SLC24A3: variants seen among roughly 807,000 people sequenced by gnomAD.
SLC24A3 encodes the protein solute carrier family 24 member 3, also known as sodium/potassium/calcium exchanger 3.
SLC24A3 carries 28 observed loss-of-function variants against 75.8 expected under a neutral mutation model. The observed-to-expected ratio is 0.37, with a 90% CI of 0.27 to 0.51. The LOEUF (loss-of-function observed/expected upper bound fraction) is 0.51. Ranked by LOEUF, SLC24A3 falls within the 20% of genes least tolerant of loss-of-function variation. The pLI is 0.94. For synonymous variants in SLC24A3, 372 were observed against 334.1 expected (o/e 1.11, Z -1.24); for missense variants, 663 against 847.8 (o/e 0.78, Z 2.71).
chr20:19,717,906 T>C (rs930227467), intron 16 of SLC24A3, among the ~76,000 whole-genome samples: 1 of 152,246 alleles, frequency 6.6e-6, no homozygotes. Flanking sequence ...TTCCAATTCA[T>C]TGATTGTTCC....
chr20:19,273,386 G>A (rs940953027), intron 1 of SLC24A3, among the ~76,000 whole-genome samples: 13 of 152,172 alleles, frequency 8.5e-5, no homozygotes, highest in African/African-American at 2.9e-4. Context: ...CCTCACATCA[G>A]AGCCCTGAAG....
chr20:19,340,818 A>G (rs1210204331), intron 2 of SLC24A3, among the ~76,000 whole-genome samples: 2 of 152,206 alleles, frequency 1.3e-5, no homozygotes, highest in Non-Finnish European at 2.9e-5. Context: ...GTACAGTTGT[A>G]TGATGTGATT....
At chr20:19,213,077 C>T in intron 1 of SLC24A3, 93 bp downstream of exon 1, 2 of 1,128,904 alleles carry the variant, frequency 1.8e-6, no homozygotes, top group Non-Finnish European at 2.2e-6. Flanking sequence ...GGCGGCCCGG[C>T]CGGAGCCCCA....
intron 2 of SLC24A3, among the ~76,000 whole-genome samples, chr20:19,333,645 G>A (rs1476017251): frequency 1.3e-5 from 2 of 150,878 alleles, no homozygotes; most frequent in African/African-American, 2.5e-5. Context: ...GTGTGTGAGT[G>A]TGTGTGTGTG....
At chr20:19,521,983 C>G (rs2030107459) in intron 3 of SLC24A3, among the ~76,000 whole-genome samples, 1 of 152,080 alleles carries the variant, frequency 6.6e-6, no homozygotes, top group Admixed American at 6.5e-5. Context: ...AGACTCAACT[C>G]TCCATTTGTA....
chr20:19,458,386 C>T (rs548094991), intron 2 of SLC24A3, among the ~76,000 whole-genome samples: 3 of 152,092 alleles, frequency 2.0e-5, no homozygotes, highest in Admixed American at 6.5e-5. Flanking sequence ...CAAAATTTGC[C>T]GTCTTAACCA....
At chr20:19,348,046 G>T (rs945610294) in intron 2 of SLC24A3, among the ~76,000 whole-genome samples, 1 of 152,212 alleles carries the variant, frequency 6.6e-6, no homozygotes, top group African/African-American at 2.4e-5. Context: ...TTTGGCTAGT[G>T]ATCTGTGGCT....
intron 2 of SLC24A3, among the ~76,000 whole-genome samples, chr20:19,435,871 C>T (rs983061477): frequency 2.6e-5 from 4 of 152,162 alleles, no homozygotes; most frequent in African/African-American, 7.2e-5. Flanking sequence ...GATGCCCAAA[C>T]TGGTTCCAAG....
chr20:19,657,675 A>C (rs1387728782), intron 7 of SLC24A3, among the ~76,000 whole-genome samples: 1 of 152,250 alleles, frequency 6.6e-6, no homozygotes, highest in African/African-American at 2.4e-5. Flanking sequence ...ACTGTCCATG[A>C]GGAGTAAAAC....
At chr20:19,642,745 T>C (rs1172407635) in intron 6 of SLC24A3, among the ~76,000 whole-genome samples, 1 of 152,208 alleles carries the variant, frequency 6.6e-6, no homozygotes, top group Non-Finnish European at 1.5e-5. Context: ...CCTCCCCCTA[T>C]GTTTTTGACT....
At chr20:19,480,598 T>C (rs1988037202) in intron 2 of SLC24A3, among the ~76,000 whole-genome samples, 1 of 152,210 alleles carries the variant, frequency 6.6e-6, no homozygotes, top group South Asian at 2.1e-4. Flanking sequence ...TGCCCTTGTC[T>C]GACAACTAGC....
intron 2 of SLC24A3, among the ~76,000 whole-genome samples, chr20:19,451,266 T>C (rs1030520307): frequency 6.6e-5 from 10 of 152,202 alleles, no homozygotes; most frequent in African/African-American, 2.4e-4. Context: ...CAGCACCCAG[T>C]TGCCTCTTCA....
intron 2 of SLC24A3, among the ~76,000 whole-genome samples, chr20:19,449,416 G>A (rs1374458329): frequency 6.6e-6 from 1 of 152,222 alleles, no homozygotes; most frequent in Non-Finnish European, 1.5e-5. Context: ...AAGCTCTGGG[G>A]CCGAAGACAC....
chr20:19,374,127 G>GT (rs1350342275), intron 2 of SLC24A3, among the ~76,000 whole-genome samples: 9 of 152,254 alleles, frequency 5.9e-5, no homozygotes, highest in African/African-American at 2.2e-4. Context: ...TAGAGGAATG[G>GT]TTTATCCTGT....
chr20:19,587,679 G>T (rs975563033), intron 6 of SLC24A3, among the ~76,000 whole-genome samples: 8 of 152,192 alleles, frequency 5.3e-5, no homozygotes, highest in African/African-American at 1.7e-4. Context: ...AATCAGACGG[G>T]TCTGGGTTTA....
At chr20:19,698,475 C>A in intron 14 of SLC24A3, 93 bp from the exon 15 acceptor site, 2 of 793,246 alleles carry the variant, frequency 2.5e-6, no homozygotes, top group South Asian at 3.3e-5. Context: ...CTTGCAGAAC[C>A]ACTCTCTGGC....
chr20:19,287,696 T>A (rs1170416782), intron 2 of SLC24A3, among the ~76,000 whole-genome samples: 2 of 152,228 alleles, frequency 1.3e-5, no homozygotes, highest in African/African-American at 4.8e-5. Flanking sequence ...GCAGAAATTG[T>A]CCCAGTGGTG....
chr20:19,655,212 T>G lies in SLC24A3; in HGVS notation c.687+1076T>G, dbSNP rs544191263. ...AGTTCATTGCGGGTCAGTGTTTCCA[T>G]GCAGTGCATCTCCACCACTTACTCC... is the stretch of plus-strand genomic sequence containing the variant. On this transcript the variant is annotated intron_variant, in intron 7 of 16. Coordinates refer to ENST00000328041, the MANE Select transcript of SLC24A3 (RefSeq NM_020689.4). Among the ~76,000 whole-genome samples, 19 of 152,284 alleles carry G rather than the reference T, an allele frequency of 1.2e-4. No individual in the cohort carries two copies. The East Asian group carries it at 3.7e-3, about 29-fold the overall frequency.
At chr20:19,574,354 A>G (rs1465466167) in intron 3 of SLC24A3, among the ~76,000 whole-genome samples, 1 of 152,216 alleles carries the variant, frequency 6.6e-6, no homozygotes, top group Non-Finnish European at 1.5e-5. Flanking sequence ...TTACCTGTAC[A>G]TCAAAGGACA....
Sources: allele counts gnomAD v4.1 joint callset (sites outside exome capture counted in the v4.1 genomes callset), GRCh38; gene constraint gnomAD v4.1.1; transcripts MANE v1.5; gene names NCBI Gene and HGNC (gene_info 2026-07-23, HGNC 2026-07-21).